WNK3: variants seen among roughly 807,000 people sequenced by gnomAD.
The protein encoded by WNK3 is serine/threonine-protein kinase WNK3.
In WNK3, 18 loss-of-function variants were observed where a neutral mutation model predicts 116.7. That is an observed-to-expected ratio of 0.15 (90% confidence interval 0.11 to 0.23). WNK3 has a LOEUF of 0.23. Ranked by LOEUF, WNK3 falls within the 10% of genes least tolerant of loss-of-function variation. WNK3 has a pLI of 1.00. For synonymous variants in WNK3, 404 were observed against 469.4 expected, an observed-to-expected ratio of 0.86 and a Z score of 1.80; for missense variants, 993 against 1,323.8, an observed-to-expected ratio of 0.75 and a Z score of 3.88.
rs1364119576 is a variant in WNK3 at position 54,274,463 on chromosome X, G to A, written c.2038-15125C>T. On this transcript the variant is annotated intron_variant, in intron 10 of 23. Coordinates refer to ENST00000354646, the Ensembl canonical transcript of WNK3. ...TTATTATGGACAACTGTACTCCTAT[G>A]CTAAGGCCAACCCCTCTATGTAGAA... is the stretch of plus-strand genomic sequence containing the variant. Among the ~76,000 whole-genome samples the A allele has an allele frequency of 5.4e-5, 6 of 111,729 alleles. No homozygotes were observed. The Admixed American group carries it at 5.8e-4, about 11-fold the overall frequency.
intron 2 of WNK3, among the ~76,000 whole-genome samples, chrX:54,314,192 C>CAAAAAA (rs1384345291): frequency 2.5e-5 from 1 of 39,685 alleles, no homozygotes; most frequent in Non-Finnish European, 4.9e-5. Context: ...GACTCTGTCT[C>CAAAAAA]AAAAAAAAAA....
At chrX:54,259,572 G>C (rs935491108) in intron 10 of WNK3, among the ~76,000 whole-genome samples, 1 of 111,441 alleles carries the variant, frequency 9.0e-6, no homozygotes, top group African/African-American at 3.3e-5. Flanking sequence ...ATTTGAAAAA[G>C]TTATTACTGT....
chrX:54,309,121 C>T (rs200575360), exon 4 of WNK3: 49 of 1,208,075 alleles, frequency 4.1e-5, no homozygotes, highest in Non-Finnish European at 5.3e-5. Context: ...AAATGAGGTA[C>T]GCATTAAGGT....
chrX:54,211,156 G>A (rs782033315), intron 22 of WNK3, among the ~76,000 whole-genome samples: 18 of 111,842 alleles, frequency 1.6e-4, no homozygotes, highest in African/African-American at 5.8e-4. Flanking sequence ...TTCTCCACAT[G>A]TCAGGCTGAG....
chrX:54,333,651 G>A (rs782739360), exon 2 of WNK3: 12 of 1,195,930 alleles, frequency 1.0e-5, no homozygotes, highest in Non-Finnish European at 1.1e-5. Flanking sequence ...TGTGCTGGCT[G>A]GATCCCCTGA....
chrX:54,290,116 A>T (rs1308571815), intron 10 of WNK3, among the ~76,000 whole-genome samples: 1 of 111,030 alleles, frequency 9.0e-6, no homozygotes, highest in Non-Finnish European at 1.9e-5. Flanking sequence ...TCTCTACTAA[A>T]AATACAAAAA....
intron 12 of WNK3, among the ~76,000 whole-genome samples, chrX:54,254,993 T>C (rs797031809): frequency 9.0e-6 from 1 of 110,733 alleles, no homozygotes; most frequent in African/African-American, 3.3e-5. Flanking sequence ...TTTCATTTTT[T>C]TTTCAGATGG....
At chrX:54,250,199 G>A in intron 15 of WNK3, 68 bp from the exon 16 acceptor site, 1 of 1,027,431 alleles carries the variant, frequency 9.7e-7, no homozygotes, top group Non-Finnish European at 1.3e-6. Flanking sequence ...ATTGACTGAA[G>A]AAGCCAGGTT....
chrX:54,336,938 C>T (rs1165538808), intron 1 of WNK3, among the ~76,000 whole-genome samples: 6 of 111,287 alleles, frequency 5.4e-5, no homozygotes, highest in Non-Finnish European at 1.1e-4. Context: ...TCATGAAGGT[C>T]TCTATGAGGT....
chrX:54,202,166 G>T, exon 23 of WNK3: 1 of 1,206,806 alleles, frequency 8.3e-7, no homozygotes. Flanking sequence ...TTGGCATGAT[G>T]CTGCATTACT....
rs1377808741 is a variant in WNK3 at position 54,218,658 on chromosome X, C to G, written c.4870+10056G>C. 2.7e-5 allele frequency among the ~76,000 whole-genome samples: 3 copies of G among 109,137 alleles called. No individual in the cohort carries two copies. The Admixed American group carries it at 2.9e-4, about 11-fold the overall frequency. 94.8% of individuals were successfully genotyped at this position (109,137 alleles called of 115,157 possible). A position where few individuals can be genotyped will look rare whatever the true frequency, so the allele number is the denominator to read the frequency against. On this transcript the variant is annotated intron_variant, in intron 22 of 23. Transcript: ENST00000354646. ...CAGCACTATGGGAGGCCAAGGCAGG[C>G]AGATCACTTGAGGTCAGGAGTTCGA...
intron 22 of WNK3, among the ~76,000 whole-genome samples, chrX:54,222,573 A>T (rs909972496): frequency 1.1e-4 from 12 of 105,711 alleles, no homozygotes; most frequent in Non-Finnish European, 2.1e-4. Context: ...AAAAGAAGAA[A>T]AATGAAAAGT....
At chrX:54,344,166 G>A (rs1364906741) in intron 1 of WNK3, among the ~76,000 whole-genome samples, 2 of 112,676 alleles carry the variant, frequency 1.8e-5, no homozygotes, top group African/African-American at 6.4e-5. Context: ...AATTCTGGCT[G>A]GGCGCAGTGG....
chrX:54,238,498 A>G, intron 18 of WNK3, 26 bp from the exon 19 acceptor site: 1 of 1,185,069 alleles, frequency 8.4e-7, no homozygotes. Context: ...AATTGTAAGT[A>G]AAAAAGAGAA....
intron 13 of WNK3, among the ~76,000 whole-genome samples, chrX:54,252,331 A>C (rs2068142013): frequency 9.0e-6 from 1 of 111,029 alleles, no homozygotes. Flanking sequence ...TAAGATGTCC[A>C]AACCCAAAAG....
chrX:54,213,262 C>T lies in WNK3; in HGVS notation c.4871-11069G>A, dbSNP rs183604025. Reference sequence around the variant, plus strand: ...CGGCCTCCCAAATGATTTTAAAGGACAAAAATAAGAGATAATGAGCGGTGG... The same window carrying T: ...CGGCCTCCCAAATGATTTTAAAGGATAAAAATAAGAGATAATGAGCGGTGG... On this transcript the variant is annotated intron_variant, in intron 22 of 23. Transcript: ENST00000354646. 5.1e-4 allele frequency among the ~76,000 whole-genome samples: 55 copies of T among 108,843 alleles called. 1 individual carries two copies. The East Asian group carries it at 0.011, about 21-fold the overall frequency. 94.5% of individuals were successfully genotyped at this position (108,843 alleles called of 115,157 possible). A position where few individuals can be genotyped will look rare whatever the true frequency, so the allele number is the denominator to read the frequency against.
chrX:54,255,019 G>C (rs1258540090), intron 12 of WNK3, among the ~76,000 whole-genome samples: 2 of 109,446 alleles, frequency 1.8e-5, no homozygotes, highest in Non-Finnish European at 3.8e-5. Flanking sequence ...TGTTCTTGTT[G>C]CCCAGGTTGG....
At position 54,302,529 on chromosome X, in the gene WNK3, G is replaced by A. The variant is rs182656656; in HGVS notation, c.1090-670C>T. Reference sequence around the variant, plus strand: ...TTGGCCTGACTGGTCTCAAACTCCTGATCTCAGGCAATCTGCCTGCCTTAG... The same window carrying A: ...TTGGCCTGACTGGTCTCAAACTCCTAATCTCAGGCAATCTGCCTGCCTTAG... On this transcript the variant is annotated intron_variant, in intron 5 of 23. Transcript: ENST00000354646. Among the ~76,000 whole-genome samples the A allele has an allele frequency of 7.7e-3, 841 of 109,531 alleles. 9 individuals carry two copies. Among genetic ancestry groups the A allele is most frequent in the African/African-American group, 0.026 (799 of 30,274 alleles).
chrX:54,303,084 T>A (rs1413297362), intron 5 of WNK3, among the ~76,000 whole-genome samples: 1 of 106,914 alleles, frequency 9.4e-6, no homozygotes, highest in Non-Finnish European at 1.9e-5. Context: ...ATTCACTATA[T>A]TTCAGTCTTC....
Sources: allele counts gnomAD v4.1 joint callset (sites outside exome capture counted in the v4.1 genomes callset), GRCh38; gene constraint gnomAD v4.1.1; transcripts MANE v1.5; gene names NCBI Gene and HGNC (gene_info 2026-07-23, HGNC 2026-07-21).